The following CR1L variants were observed in gnomAD, a reference collection of about 807,000 sequenced individuals.
CR1L encodes the protein complement C3b/C4b receptor 1 like, also known as complement component receptor 1-like protein.
Under a neutral mutation model 62.3 loss-of-function variants are expected in CR1L, and 59 were observed. The observed-to-expected ratio is 0.95, with a 90% confidence interval of 0.77 to 1.18. The LOEUF is 1.18. CR1L is among the 50% of genes most tolerant of loss of function. The probability of loss-of-function intolerance (pLI) is 0.00; values close to 1 mark genes in which losing one functional copy is unlikely to be tolerated. For synonymous variants in CR1L, 279 were observed against 248.7 expected, an observed-to-expected ratio of 1.12 and a Z score of -1.15; for missense variants, 700 against 702.8, an observed-to-expected ratio of 1.00 and a Z score of 0.04.
intron 1 of CR1L, chr1:207,658,864 G>A (rs1663360263): frequency 6.6e-6 from 1 of 152,406 alleles, no homozygotes; most frequent in African/African-American, 2.4e-5. Flanking sequence ...CAGCCAGGGG[G>A]AAAATAAAGG....
chr1:207,719,908 G>T (rs1260528706), intron 11 of CR1L, among the ~76,000 whole-genome samples: 3 of 152,188 alleles, frequency 2.0e-5, no homozygotes, highest in African/African-American at 7.2e-5. Flanking sequence ...CTACTTATCT[G>T]TAGAGACTGT....
At chr1:207,692,268 AAAT>A (rs1486547208) in intron 4 of CR1L, among the ~76,000 whole-genome samples, 1 of 152,240 alleles carries the variant, frequency 6.6e-6, no homozygotes, top group Admixed American at 6.5e-5. Flanking sequence ...GTCTTTATAA[AAAT>A]AATATCTATT....
At chr1:207,672,283 A>G (rs1663625767) in intron 1 of CR1L, among the ~76,000 whole-genome samples, 1 of 150,580 alleles carries the variant, frequency 6.6e-6, no homozygotes, top group Admixed American at 6.6e-5. Context: ...TATTAGGAAT[A>G]AAGAGGGTCA....
At chr1:207,688,581 A>T (rs563012340) in intron 4 of CR1L, among the ~76,000 whole-genome samples, 133 of 152,312 alleles carry the variant, frequency 8.7e-4, no homozygotes, top group Middle Eastern at 6.8e-3. Flanking sequence ...TTACCATATA[A>T]AATTTAGAAT....
chr1:207,712,839 C>CTA (rs946223992), intron 10 of CR1L, among the ~76,000 whole-genome samples: 1 of 152,192 alleles, frequency 6.6e-6, no homozygotes, highest in Non-Finnish European at 1.5e-5. Context: ...CAGCTTGGGG[C>CTA]TAAGGTATCC....
intron 1 of CR1L, among the ~76,000 whole-genome samples, chr1:207,667,585 A>G (rs535597756): frequency 6.6e-6 from 1 of 152,316 alleles, no homozygotes; most frequent in South Asian, 2.1e-4. Context: ...GGATGAGGAC[A>G]TTTTGGGGGA....
At chr1:207,672,163 A>C (rs1395454960) in intron 1 of CR1L, among the ~76,000 whole-genome samples, 7 of 150,652 alleles carry the variant, frequency 4.6e-5, no homozygotes, top group Admixed American at 4.6e-4. Flanking sequence ...AAATATAGAC[A>C]ATATATATTA....
rs745556467 is a variant in CR1L at position 207,715,294 on chromosome 1, A to C, written c.1415-2170A>C. The C allele has an allele frequency of 6.8e-5, 100 of 1,480,934 alleles. 1 individual carries two copies. Among genetic ancestry groups the C allele is most frequent in the Non-Finnish European group, 8.9e-5 (95 of 1,069,084 alleles). 91.7% of individuals were successfully genotyped at this position (1,480,934 alleles called of 1,614,324 possible). ...GGGAATTGCTCACACATTTGCTACC[A>C]CTTTTTTTTTTCTTTAGGTTCTGAT... On this transcript the variant is annotated intron_variant, in intron 10 of 11. Coordinates refer to ENST00000508064, the MANE Select transcript of CR1L (RefSeq NM_175710.2).
At chr1:207,718,228 G>A (rs1654051055) in intron 11 of CR1L, among the ~76,000 whole-genome samples, 1 of 152,120 alleles carries the variant, frequency 6.6e-6, no homozygotes, top group Non-Finnish European at 1.5e-5. Context: ...ATTAACAAAG[G>A]GAACTCGGGA....
In CR1L at chr1:207,680,770, C is replaced by T. The variant is rs187269459; in HGVS notation, c.377+2473C>T. Among the ~76,000 whole-genome samples the T allele has an allele frequency of 7.9e-5, 12 of 152,246 alleles. 1 individual carries two copies. Among genetic ancestry groups the T allele is most frequent in the Admixed American group, 5.2e-4 (8 of 15,306 alleles). On this transcript the variant is annotated intron_variant, in intron 3 of 11. Coordinates refer to ENST00000508064, the MANE Select transcript of CR1L (RefSeq NM_175710.2). Reference sequence around the variant, plus strand: ...CCTGTGAATAGTTAAAACCAAATGGCGCCAGAGATAAGACCCACTCAGATC... The same window carrying T: ...CCTGTGAATAGTTAAAACCAAATGGTGCCAGAGATAAGACCCACTCAGATC...
At chr1:207,719,260 T>TAA (rs55749463) in intron 11 of CR1L, among the ~76,000 whole-genome samples, 1 of 135,380 alleles carries the variant, frequency 7.4e-6, no homozygotes, top group African/African-American at 2.8e-5. Context: ...AAGTATAATT[T>TAA]AAAAAAAAAA....
chr1:207,697,896 T>C, intron 7 of CR1L, 23 bp downstream of exon 7: 1 of 1,613,646 alleles, frequency 6.2e-7, no homozygotes, highest in South Asian at 1.1e-5. Context: ...TTGCCTGACC[T>C]GCTGGACATT....
chr1:207,651,850 G>A (rs1161994883), intron 1 of CR1L, among the ~76,000 whole-genome samples: 4 of 152,186 alleles, frequency 2.6e-5, no homozygotes, highest in Non-Finnish European at 5.9e-5. Context: ...AACAATTCAT[G>A]TAAGTCTATC....
chr1:207,652,893 C>A (rs1284216855), intron 1 of CR1L, among the ~76,000 whole-genome samples: 1 of 151,960 alleles, frequency 6.6e-6, no homozygotes, highest in Non-Finnish European at 1.5e-5. Flanking sequence ...AAATTGAAAT[C>A]TCCAAGAAAT....
At chr1:207,687,411 G>A (rs1274357908) in intron 4 of CR1L, among the ~76,000 whole-genome samples, 1 of 152,120 alleles carries the variant, frequency 6.6e-6, no homozygotes, top group African/African-American at 2.4e-5. Context: ...TAATTATGCA[G>A]TTCAGTAGAT....
intron 9 of CR1L, among the ~76,000 whole-genome samples, chr1:207,703,791 T>C (rs1048079523): frequency 3.9e-5 from 6 of 152,064 alleles, no homozygotes; most frequent in Non-Finnish European, 8.8e-5. Context: ...CCCGTCTCTA[T>C]TAAAAATACA....
chr1:207,699,375 G>A (rs1664157573), intron 8 of CR1L, 101 bp downstream of exon 8: 9 of 1,400,230 alleles, frequency 6.4e-6, no homozygotes, highest in South Asian at 6.3e-5. Flanking sequence ...TTTCTAATCT[G>A]AATTATTGAT....
In CR1L at chr1:207,700,022, A is replaced by G. The variant is rs533110689; in HGVS notation, c.1228+748A>G. ...ATTTATGCTGAGAGATTCATAAATAATAAGTCATTTTTTTAAAATGAGCCT... is the reference window on the plus strand; with the variant it reads ...ATTTATGCTGAGAGATTCATAAATAGTAAGTCATTTTTTTAAAATGAGCCT... On this transcript the variant is annotated intron_variant, in intron 8 of 11. Coordinates refer to ENST00000508064, the MANE Select transcript of CR1L (RefSeq NM_175710.2). 5.3e-5 allele frequency among the ~76,000 whole-genome samples: 8 copies of G among 152,300 alleles called. No homozygotes were observed. The South Asian group carries it at 1.7e-3, about 32-fold the overall frequency.
intron 4 of CR1L, among the ~76,000 whole-genome samples, chr1:207,684,460 C>A (rs397832368): frequency 6.6e-6 from 1 of 152,146 alleles, no homozygotes; most frequent in Non-Finnish European, 1.5e-5. Flanking sequence ...CTTTTTAAAG[C>A]AGTTTGGTAT....
Sources: gnomAD v4.1 joint callset for allele counts (sites outside exome capture counted in the v4.1 genomes callset) on GRCh38, gnomAD v4.1.1 for gene constraint, MANE v1.5 for transcripts, NCBI Gene and HGNC (gene_info 2026-07-23, HGNC 2026-07-21) for gene names.